PHACTR3: variants seen among roughly 807,000 people sequenced by gnomAD.
PHACTR3 encodes the protein phosphatase and actin regulator 3, also known as protein phosphatase 1, regulatory subunit 123.
Under a neutral mutation model 66.8 loss-of-function variants are expected in PHACTR3, and 16 were observed. The observed-to-expected ratio is 0.24, with a 90% CI of 0.16 to 0.36. PHACTR3 has a LOEUF of 0.36. Ranked by LOEUF, PHACTR3 falls within the 10% of genes least tolerant of loss-of-function variation. The probability of loss-of-function intolerance (pLI) is 1.00; values close to 1 mark genes in which losing one functional copy is unlikely to be tolerated. For synonymous variants in PHACTR3, 323 were observed against 292.1 expected (o/e 1.11, Z -1.08); for missense variants, 647 against 719.9 (o/e 0.90, Z 1.16).
At chr20:59,821,953 C>G (rs1179994723) in intron 8 of PHACTR3, among the ~76,000 whole-genome samples, 3 of 151,468 alleles carry the variant, frequency 2.0e-5, no homozygotes, top group African/African-American at 7.3e-5. Context: ...GCTACCCCCT[C>G]CCCAGCAATC....
chr20:59,602,360 G>A (rs957384716), upstream of PHACTR3, among the ~76,000 whole-genome samples: 10 of 150,326 alleles, frequency 6.7e-5, no homozygotes, highest in Non-Finnish European at 1.5e-4. Flanking sequence ...GAGCCCAGGA[G>A]TTTGAGGCTG....
Position 59,830,247 on chromosome 20 carries a change from T to C in PHACTR3, c.1329-6258T>C, listed in dbSNP as rs972976189. Reference sequence around the variant, plus strand: ...CGTGAGTGTCTGATGGAAGAGGGTATGAGTGTCTGATAGAAGAGGGTATGA... The same window carrying C: ...CGTGAGTGTCTGATGGAAGAGGGTACGAGTGTCTGATAGAAGAGGGTATGA... On this transcript the variant is annotated intron_variant, in intron 8 of 12. Coordinates refer to ENST00000371015, the MANE Select transcript of PHACTR3 (RefSeq NM_080672.5). This position sits in a 1 kb window ranked among gnomAD's most constrained non-coding sequence, Gnocchi z 5.8. Among the ~76,000 whole-genome samples, 4 of 151,818 alleles carry C rather than the reference T, an allele frequency of 2.6e-5. No homozygotes were observed. Among genetic ancestry groups the C allele is most frequent in the African/African-American group, 9.7e-5 (4 of 41,292 alleles).
Position 59,847,172 on chromosome 20 carries a change from C to A in PHACTR3, c.*42C>A. On this transcript the variant is annotated 3_prime_UTR_variant, in exon 13 of 13. Coordinates refer to ENST00000371015, the MANE Select transcript of PHACTR3 (RefSeq NM_080672.5). ...AGAATTTGTGTTTAATTTTTTGATA[C>A]CAACACTGAACATTCATCAGGGAAC... 6.9e-7 allele frequency: 1 copy of A among 1,441,622 alleles called. No individual in the cohort carries two copies. Among genetic ancestry groups the A allele is most frequent in the Non-Finnish European group, 9.7e-7 (1 of 1,031,172 alleles). The allele number at this position is 1,441,622 out of a possible 1,614,324, so 89.3% of individuals were successfully genotyped here.
chr20:59,827,232 C>G (rs539552614), intron 8 of PHACTR3, among the ~76,000 whole-genome samples: 2 of 152,016 alleles, frequency 1.3e-5, no homozygotes, highest in African/African-American at 4.8e-5. Context: ...CCTTCATGGG[C>G]GGGGGTGCAC....
intron 8 of PHACTR3, among the ~76,000 whole-genome samples, chr20:59,813,759 A>G (rs1210379284): frequency 6.6e-6 from 1 of 151,816 alleles, no homozygotes; most frequent in Admixed American, 6.6e-5. Flanking sequence ...CAGAGGGAGA[A>G]GACTGGAGGG....
upstream of PHACTR3, among the ~76,000 whole-genome samples, chr20:59,600,152 C>T (rs1311455383): frequency 3.3e-5 from 5 of 152,158 alleles, no homozygotes; most frequent in Non-Finnish European, 7.4e-5. Context: ...CTGCCCGGGG[C>T]GCCCTTCCTC....
chr20:59,766,138 C>T (rs1490340826), intron 4 of PHACTR3, among the ~76,000 whole-genome samples: 1 of 152,196 alleles, frequency 6.6e-6, no homozygotes, highest in East Asian at 1.9e-4. Flanking sequence ...CCCTGTAAAG[C>T]TGGAGGTGAA....
At chr20:59,610,063 A>G (rs2146342416) in intron 1 of PHACTR3, among the ~76,000 whole-genome samples, 1 of 152,306 alleles carries the variant, frequency 6.6e-6, no homozygotes, top group South Asian at 2.1e-4. Flanking sequence ...AGACCAGCCT[A>G]GGCAACACAG....
intron 1 of PHACTR3, among the ~76,000 whole-genome samples, chr20:59,725,056 G>A (rs537750093): frequency 6.6e-6 from 1 of 151,870 alleles, no homozygotes; most frequent in Non-Finnish European, 1.5e-5. Context: ...TGTGCTCAGT[G>A]AGGCTGTGAA....
intron 1 of PHACTR3, among the ~76,000 whole-genome samples, chr20:59,723,102 C>CT (rs923412503): frequency 5.2e-5 from 7 of 135,630 alleles, no homozygotes; most frequent in African/African-American, 2.0e-4. Flanking sequence ...TTCTTTCTTT[C>CT]TTTCTTTCTT....
intron 1 of PHACTR3, among the ~76,000 whole-genome samples, chr20:59,668,368 G>A (rs577524661): frequency 4.0e-4 from 61 of 150,916 alleles, no homozygotes; most frequent in Admixed American, 2.9e-3. Context: ...AGGTGGGCAC[G>A]TACACCCGTA....
chr20:59,642,139 C>T lies in PHACTR3; in HGVS notation c.118+37007C>T, dbSNP rs548328091. 6.6e-5 allele frequency among the ~76,000 whole-genome samples: 10 copies of T among 151,848 alleles called. No individual in the cohort carries two copies. In the East Asian group the frequency reaches 1.2e-3, roughly 18 times the overall value. On this transcript the variant is annotated intron_variant, in intron 1 of 12. Coordinates refer to ENST00000371015, the MANE Select transcript of PHACTR3 (RefSeq NM_080672.5). ...TAGAGAAGGCAGCCTTTCTGCAGAG[C>T]GTTAGAATTTGGGAAGAAGTGGTCA...
chr20:59,680,222 G>C (rs1421365737), intron 1 of PHACTR3, among the ~76,000 whole-genome samples: 1 of 152,156 alleles, frequency 6.6e-6, no homozygotes, highest in East Asian at 1.9e-4. Context: ...CCAGGTTCAA[G>C]AGGCCAAAGA....
At chr20:59,773,570 A>G (rs2040429291) in intron 6 of PHACTR3, 117 bp downstream of exon 6, 4 of 1,084,914 alleles carry the variant, frequency 3.7e-6, no homozygotes, top group Admixed American at 3.0e-5. Context: ...TTCTACAGTC[A>G]CTTTCTGAAC....
At chr20:59,797,060 C>A (rs542659215) in intron 7 of PHACTR3, among the ~76,000 whole-genome samples, 42 of 152,092 alleles carry the variant, frequency 2.8e-4, no homozygotes, top group African/African-American at 9.4e-4. Context: ...CTCTCTTTTC[C>A]CCTCTGGATG....
rs1007963323 is a variant in PHACTR3, at chr20:59,806,078, C to G, written c.1212C>G (p.Ala404=). Residue 404 remains alanine (A), a synonymous_variant, in exon 8 of 13, where the codon GCC becomes GCG. Coordinates refer to ENST00000371015, the MANE Select transcript of PHACTR3 (RefSeq NM_080672.5). ...GGAAATGCAAGAAGGAGCTCCTGGC[C>G]GTGAAGCTAAGGAACCGGCCAAGCA... is the stretch of plus-strand genomic sequence containing the variant. The part of the protein sequence containing the change: ...LPRKCKKELL[A]VKLRNRPSKQ... 3.7e-6 allele frequency: 6 copies of G among 1,614,194 alleles called. No individual in the cohort carries two copies. The highest frequency in any genetic ancestry group is 1.1e-5 in the South Asian group (1 of 91,082).
At chr20:59,690,275 C>CA in intron 1 of PHACTR3, among the ~76,000 whole-genome samples, 1 of 152,318 alleles carries the variant, frequency 6.6e-6, no homozygotes, top group South Asian at 2.1e-4. Context: ...TGGCTGACTC[C>CA]AGCTCATCCT....
intron 7 of PHACTR3, among the ~76,000 whole-genome samples, chr20:59,800,570 T>G (rs558447475): frequency 6.6e-6 from 1 of 152,342 alleles, no homozygotes; most frequent in South Asian, 2.1e-4. Flanking sequence ...TAATGTCTTT[T>G]TATTTCTGTA....
At chr20:59,810,454 G>A (rs1278601428) in intron 8 of PHACTR3, among the ~76,000 whole-genome samples, 2 of 152,190 alleles carry the variant, frequency 1.3e-5, no homozygotes, top group African/African-American at 2.4e-5. Flanking sequence ...ATGGCTTCCT[G>A]GAGGCGCCAT....
Sources: allele counts gnomAD v4.1 joint callset (sites outside exome capture counted in the v4.1 genomes callset), GRCh38; gene constraint gnomAD v4.1.1; non-coding constraint Gnocchi (gnomAD v3.1); transcripts MANE v1.5; gene names NCBI Gene and HGNC (gene_info 2026-07-23, HGNC 2026-07-21).